DACH2: variants seen among roughly 807,000 people sequenced by gnomAD.
DACH2 encodes dachshund homolog 2.
Under a neutral mutation model 35.8 loss-of-function variants are expected in DACH2, and 17 were observed. The observed-to-expected ratio is 0.48, with a 90% CI of 0.33 to 0.71. The LOEUF (loss-of-function observed/expected upper bound fraction) is 0.71, where lower values mean the gene tolerates loss of function less well. Among genes scored for constraint, DACH2 ranks in the 30% least tolerant of loss-of-function variants. The pLI, the probability that DACH2 is intolerant of heterozygous loss-of-function variation, is 0.02. For missense variants in DACH2, 469 were observed against 472.7 expected, an observed-to-expected ratio of 0.99 and a Z score of 0.07; for synonymous variants, 195 against 177.3, an observed-to-expected ratio of 1.10 and a Z score of -0.79.
intron 1 of DACH2, among the ~76,000 whole-genome samples, chrX:86,311,366 G>A (rs768942148): frequency 2.7e-5 from 3 of 112,008 alleles, no homozygotes; most frequent in Non-Finnish European, 5.6e-5. Context: ...GTCTTACCAT[G>A]TTCCCCATCA....
intron 6 of DACH2, among the ~76,000 whole-genome samples, chrX:86,729,093 C>T (rs941209210): frequency 1.8e-5 from 2 of 112,232 alleles, no homozygotes; most frequent in Non-Finnish European, 3.8e-5. Flanking sequence ...TGCACAACAA[C>T]CTGTGAGAGC....
At chrX:86,813,585 C>A (rs2042417292) in intron 9 of DACH2, among the ~76,000 whole-genome samples, 1 of 107,332 alleles carries the variant, frequency 9.3e-6, no homozygotes, top group Non-Finnish European at 1.9e-5. Context: ...GCACTCCAGC[C>A]TGGGCGACAG....
intron 1 of DACH2, among the ~76,000 whole-genome samples, chrX:86,345,840 G>T (rs2035487458): frequency 9.0e-6 from 1 of 111,327 alleles, no homozygotes; most frequent in Non-Finnish European, 1.9e-5. Flanking sequence ...ACATTTAGAT[G>T]CTTTTTTCAA....
At chrX:86,411,036 A>ATG (rs1556109206) in intron 2 of DACH2, among the ~76,000 whole-genome samples, 1 of 79,963 alleles carries the variant, frequency 1.3e-5, no homozygotes, top group Non-Finnish European at 2.5e-5. Context: ...ATATATATAT[A>ATG]TATGTATATA....
At chrX:86,735,460 C>T (rs896329807) in intron 6 of DACH2, among the ~76,000 whole-genome samples, 1 of 111,537 alleles carries the variant, frequency 9.0e-6, no homozygotes, top group Non-Finnish European at 1.9e-5. Context: ...ACATTTTTAA[C>T]CATTTGTGAT....
chrX:86,225,261 A>G (rs1348405307), intron 1 of DACH2, among the ~76,000 whole-genome samples: 1 of 111,190 alleles, frequency 9.0e-6, no homozygotes, highest in Non-Finnish European at 1.9e-5. Flanking sequence ...TTTTGTTGAG[A>G]TTTTGTTTCA....
intron 7 of DACH2, among the ~76,000 whole-genome samples, chrX:86,797,895 C>T (rs945172991): frequency 7.2e-5 from 8 of 111,594 alleles, no homozygotes; most frequent in Middle Eastern, 4.6e-3. Flanking sequence ...CCATATAATG[C>T]GTTCCACACT....
chrX:86,450,975 T>C (rs771080110), intron 2 of DACH2, among the ~76,000 whole-genome samples: 10 of 111,942 alleles, frequency 8.9e-5, no homozygotes, highest in African/African-American at 3.2e-4. Context: ...ATTAGACCTT[T>C]GTCAAGTGGA....
chrX:86,566,171 AAAT>A (rs1386370451), intron 3 of DACH2, among the ~76,000 whole-genome samples: 1 of 112,043 alleles, frequency 8.9e-6, no homozygotes. Context: ...AGATCATTAA[AAAT>A]AATAGACTTT....
In DACH2 at chrX:86,233,826, C is replaced by G. The variant is rs2033000518; in HGVS notation, c.488+84718C>G. On this transcript the variant is annotated intron_variant, in intron 1 of 11. Transcript: ENST00000373125. ...GAGGAAGATGCAAAAGCAGAAACCC[C>G]TGATAAAACCATCAGATCTCGTGAG... Among the ~76,000 whole-genome samples the G allele has an allele frequency of 3.6e-5, 4 of 111,942 alleles. No individual in the cohort carries two copies. The Admixed American group carries it at 3.8e-4, about 11-fold the overall frequency.
At chrX:86,184,125 A>G in intron 1 of DACH2, 1 of 134,377 alleles carries the variant, frequency 7.4e-6, no homozygotes, top group South Asian at 1.3e-4. Flanking sequence ...TCAAAAAACC[A>G]GCTCCTGGAT....
intron 1 of DACH2, among the ~76,000 whole-genome samples, chrX:86,245,859 T>C (rs1032203407): frequency 9.0e-6 from 1 of 111,553 alleles, no homozygotes; most frequent in African/African-American, 3.3e-5. Flanking sequence ...GAATTCAGAA[T>C]CTGGATAGTG....
chrX:86,815,630 C>T (rs1456377289), intron 10 of DACH2, among the ~76,000 whole-genome samples: 1 of 103,048 alleles, frequency 9.7e-6, no homozygotes, highest in Non-Finnish European at 2.0e-5. Flanking sequence ...TATATATACA[C>T]ATATATATAA....
chrX:86,306,519 G>A (rs1251147283), intron 1 of DACH2, among the ~76,000 whole-genome samples: 1 of 111,746 alleles, frequency 8.9e-6, no homozygotes, highest in Non-Finnish European at 1.9e-5. Flanking sequence ...CAGTGGGCTG[G>A]GGAAGGCAAA....
intron 1 of DACH2, among the ~76,000 whole-genome samples, chrX:86,333,527 C>T: frequency 9.0e-6 from 1 of 111,406 alleles, no homozygotes; most frequent in Non-Finnish European, 1.9e-5. Flanking sequence ...AAGCTGACAA[C>T]AAGAATTAGT....
intron 2 of DACH2, among the ~76,000 whole-genome samples, chrX:86,388,016 A>G (rs1487278252): frequency 8.9e-6 from 1 of 112,167 alleles, no homozygotes; most frequent in Non-Finnish European, 1.9e-5. Context: ...ATTAGTTTTC[A>G]TTGCTTCAAG....
At chrX:86,429,413 G>T (rs755521277) in intron 2 of DACH2, among the ~76,000 whole-genome samples, 2 of 111,599 alleles carry the variant, frequency 1.8e-5, no homozygotes, top group African/African-American at 6.5e-5. Flanking sequence ...TTGGGGCATT[G>T]AAATAAACAC....
chrX:86,295,035 C>T (rs992369201), intron 1 of DACH2, among the ~76,000 whole-genome samples: 1 of 112,835 alleles, frequency 8.9e-6, no homozygotes, highest in Admixed American at 9.3e-5. Context: ...TGCCGCCTTG[C>T]AGTTTGATCT....
intron 2 of DACH2, among the ~76,000 whole-genome samples, chrX:86,381,649 C>A (rs1387534316): frequency 4.5e-5 from 5 of 110,865 alleles, no homozygotes; most frequent in Non-Finnish European, 9.5e-5. Flanking sequence ...ATAGTATATG[C>A]TTTGATCTAT....
Sources: allele counts gnomAD v4.1 joint callset (sites outside exome capture counted in the v4.1 genomes callset), GRCh38; gene constraint gnomAD v4.1.1; transcripts MANE v1.5; gene names NCBI Gene and HGNC (gene_info 2026-07-23, HGNC 2026-07-21).